TTC28: variants seen among roughly 807,000 people sequenced by gnomAD.
TTC28 encodes the protein tetratricopeptide repeat protein 28.
Under a neutral mutation model 198.0 loss-of-function variants are expected in TTC28, and 61 were observed. That is an observed-to-expected ratio of 0.31 (90% CI 0.25 to 0.38). TTC28 has a LOEUF of 0.38. Among genes scored for constraint, TTC28 ranks in the 10% least tolerant of loss-of-function variants. TTC28 has a pLI of 1.00. For synonymous variants in TTC28, 1,171 were observed against 1,297.8 expected, an observed-to-expected ratio of 0.90 and a Z score of 2.10; for missense variants, 2,678 against 3,164.0, an observed-to-expected ratio of 0.85 and a Z score of 3.69.
intron 5 of TTC28, among the ~76,000 whole-genome samples, chr22:28,274,745 C>T (rs944242958): frequency 5.3e-5 from 8 of 151,956 alleles, no homozygotes; most frequent in African/African-American, 1.9e-4. Flanking sequence ...CTTTGGGGGC[C>T]GAGGCGGGCG....
intron 6 of TTC28, among the ~76,000 whole-genome samples, chr22:28,134,827 G>A (rs973937235): frequency 6.6e-6 from 1 of 152,046 alleles, no homozygotes; most frequent in African/African-American, 2.4e-5. Context: ...TTTCCATCTG[G>A]TTTTTCTTTA....
At chr22:28,458,609 T>C (rs111857572) in intron 2 of TTC28, among the ~76,000 whole-genome samples, 5,495 of 152,178 alleles carry the variant, frequency 0.036, 157 homozygotes, top group African/African-American at 0.07. Context: ...AGGCTGGGCA[T>C]GGTGGCTCAC....
At chr22:28,220,764 G>A (rs772551792) in intron 5 of TTC28, among the ~76,000 whole-genome samples, 4 of 152,280 alleles carry the variant, frequency 2.6e-5, no homozygotes, top group Non-Finnish European at 5.9e-5. Flanking sequence ...CAAGGGAAAC[G>A]GATCACACAA....
At chr22:28,148,110 A>T (rs1943511938) in intron 6 of TTC28, among the ~76,000 whole-genome samples, 1 of 152,226 alleles carries the variant, frequency 6.6e-6, no homozygotes, top group Non-Finnish European at 1.5e-5. Flanking sequence ...AAAAAGGTTA[A>T]TATATTATTT....
At chr22:28,670,250 G>A (rs2145707998) in intron 1 of TTC28, among the ~76,000 whole-genome samples, 2 of 152,100 alleles carry the variant, frequency 1.3e-5, no homozygotes, top group African/African-American at 4.8e-5. Flanking sequence ...GTGTCTTTTG[G>A]TGATTTATTC....
chr22:28,489,712 G>A (rs2048351509), intron 2 of TTC28, among the ~76,000 whole-genome samples: 2 of 152,046 alleles, frequency 1.3e-5, no homozygotes, highest in South Asian at 4.1e-4. Context: ...TTTGAGCCCA[G>A]GAGTTCAAGA....
chr22:28,031,055 C>G (rs772135091), intron 12 of TTC28, among the ~76,000 whole-genome samples: 1 of 152,180 alleles, frequency 6.6e-6, no homozygotes, highest in East Asian at 1.9e-4. Context: ...AACAGAACAT[C>G]CCACAATGTG....
At chr22:28,537,111 G>A (rs1288646900) in intron 2 of TTC28, among the ~76,000 whole-genome samples, 1 of 150,442 alleles carries the variant, frequency 6.6e-6, no homozygotes, top group Non-Finnish European at 1.5e-5. Context: ...GGCTAACATG[G>A]TGAAACCCCG....
At chr22:28,473,779 G>A (rs1446334931) in intron 2 of TTC28, among the ~76,000 whole-genome samples, 8 of 152,188 alleles carry the variant, frequency 5.3e-5, no homozygotes, top group Non-Finnish European at 1.0e-4. Context: ...ATCAATATGA[G>A]TGAGCCCTAA....
At chr22:28,135,664 AG>A (rs1436287743) in intron 6 of TTC28, among the ~76,000 whole-genome samples, 2 of 152,246 alleles carry the variant, frequency 1.3e-5, no homozygotes, top group Admixed American at 6.5e-5. Context: ...AGAAGTAAAT[AG>A]AAGTTGAGGA....
At chr22:28,047,060 C>T (rs1011526824) in intron 12 of TTC28, among the ~76,000 whole-genome samples, 2 of 152,270 alleles carry the variant, frequency 1.3e-5, no homozygotes, top group Non-Finnish European at 1.5e-5. Flanking sequence ...CTGGTGATTT[C>T]TTTGGAGAGA....
intron 1 of TTC28, among the ~76,000 whole-genome samples, chr22:28,673,690 T>C (rs1003354204): frequency 1.6e-4 from 24 of 152,316 alleles, no homozygotes; most frequent in African/African-American, 5.8e-4. Flanking sequence ...TGCTAAAACA[T>C]GCCTATAGAA....
Position 28,001,375 on chromosome 22 carries a change from T to C in TTC28, c.4397A>G (p.Lys1466Arg). ...CCCCACCATGTGTGTGAGCCTTACC[T>C]TGGACTGCACGCTGAGGGAGCGGAT... Reference protein sequence around the residue: ...PSIRSLSVQSKSHLRKNPPTY... With the variant: ...PSIRSLSVQSRSHLRKNPPTY... Residue 1466 changes from lysine (K) to arginine (R), a missense_variant and splice_region_variant, in exon 15 of 23, where the codon AAG becomes AGG. This residue lies in a region of TTC28 where 727 missense variants were observed against 861.9 expected (regional missense o/e 0.84). Coordinates refer to ENST00000397906, the MANE Select transcript of TTC28 (RefSeq NM_001145418.2). 6.5e-7 allele frequency: 1 copy of C among 1,548,668 alleles called. No homozygotes were observed. The highest frequency in any genetic ancestry group is 8.7e-7 in the Non-Finnish European group (1 of 1,144,864).
intron 2 of TTC28, among the ~76,000 whole-genome samples, chr22:28,464,722 A>C (rs2047995605): frequency 6.6e-6 from 1 of 152,078 alleles, no homozygotes; most frequent in Admixed American, 6.6e-5. Context: ...TACTTTTTCT[A>C]CTATCTCTTA....
chr22:28,223,855 G>C (rs1010965319), intron 5 of TTC28, among the ~76,000 whole-genome samples: 12 of 152,294 alleles, frequency 7.9e-5, no homozygotes, highest in African/African-American at 2.9e-4. Flanking sequence ...ACAAAAGCCT[G>C]ATATTAAACC....
At chr22:28,576,381 G>T (rs1274327055) in intron 2 of TTC28, among the ~76,000 whole-genome samples, 2 of 152,030 alleles carry the variant, frequency 1.3e-5, no homozygotes, top group African/African-American at 4.8e-5. Context: ...CATTCGGTTT[G>T]CAAGTATTTG....
intron 5 of TTC28, among the ~76,000 whole-genome samples, chr22:28,210,009 G>GT (rs1162889203): frequency 6.6e-6 from 1 of 152,190 alleles, no homozygotes; most frequent in Non-Finnish European, 1.5e-5. Flanking sequence ...CTCCAATGGA[G>GT]ATACCCTGGC....
chr22:28,511,093 T>C (rs1304979455), intron 2 of TTC28, among the ~76,000 whole-genome samples: 1 of 152,208 alleles, frequency 6.6e-6, no homozygotes, highest in Non-Finnish European at 1.5e-5. Flanking sequence ...CAAAGTAATT[T>C]ATAGATTCAA....
chr22:28,494,768 G>A (rs1235376699), intron 2 of TTC28, among the ~76,000 whole-genome samples: 1 of 151,208 alleles, frequency 6.6e-6, no homozygotes, highest in Non-Finnish European at 1.5e-5. Flanking sequence ...CATAGAAGGA[G>A]GAAAGAAAAA....
Sources: allele counts gnomAD v4.1 joint callset (sites outside exome capture counted in the v4.1 genomes callset), GRCh38; gene constraint gnomAD v4.1.1; regional missense constraint gnomAD v4.1.1; transcripts MANE v1.5; gene names NCBI Gene and HGNC (gene_info 2026-07-23, HGNC 2026-07-21).